Variants in GRIN2B observed in about 807,000 individuals in gnomAD.
GRIN2B encodes the protein glutamate receptor ionotropic, NMDA 2B.
A neutral mutation model predicts 114.5 loss-of-function variants in GRIN2B; 5 were observed. The observed-to-expected ratio is 0.04, with a 90% confidence interval of 0.02 to 0.09. The LOEUF (loss-of-function observed/expected upper bound fraction) is 0.09. Among genes scored for constraint, GRIN2B ranks in the 10% least tolerant of loss-of-function variants. The pLI, the probability that GRIN2B is intolerant of heterozygous loss-of-function variation, is 1.00. For synonymous variants in GRIN2B, 787 were observed against 745.1 expected (o/e 1.06, Z -0.92); for missense variants, 1,108 against 1,943.5 (o/e 0.57, Z 8.08).
At chr12:13,695,828 A>G (rs1950254665) in intron 4 of GRIN2B, among the ~76,000 whole-genome samples, 1 of 150,540 alleles carries the variant, frequency 6.6e-6, no homozygotes, top group Admixed American at 6.6e-5. Flanking sequence ...TAGTGTAGAT[A>G]AGGGAAACAA....
In GRIN2B at chr12:13,594,242, C is replaced by T. The variant is rs556154583; in HGVS notation, c.2010+14361G>A. Reference sequence around the variant, plus strand: ...ATGCACACCTATGTTTATTGTGGCACTGTTCACAATAGCAAAGACTTGGAA... The same window carrying T: ...ATGCACACCTATGTTTATTGTGGCATTGTTCACAATAGCAAAGACTTGGAA... On this transcript the variant is annotated intron_variant, in intron 10 of 13. Transcript: ENST00000609686. Among the ~76,000 whole-genome samples, 6 of 152,288 alleles carry T rather than the reference C, an allele frequency of 3.9e-5. No individual in the cohort carries two copies. The South Asian group carries it at 1.2e-3, about 32-fold the overall frequency.
chr12:13,916,849 C>T (rs1866740254), intron 2 of GRIN2B, among the ~76,000 whole-genome samples: 2 of 151,276 alleles, frequency 1.3e-5, no homozygotes, highest in Non-Finnish European at 2.9e-5. Flanking sequence ...ATATATGGTA[C>T]ATGGTGCACA....
chr12:13,617,513 A>T (rs2136482904), intron 5 of GRIN2B, among the ~76,000 whole-genome samples: 1 of 152,356 alleles, frequency 6.6e-6, no homozygotes, highest in East Asian at 1.9e-4. Flanking sequence ...TATTTTTCAG[A>T]AGAGCCACTC....
chr12:13,927,352 T>C (rs1343749648), intron 2 of GRIN2B, among the ~76,000 whole-genome samples: 1 of 152,148 alleles, frequency 6.6e-6, no homozygotes, highest in East Asian at 1.9e-4. Flanking sequence ...GAAGCCTTAG[T>C]AACAGGCTAG....
chr12:13,868,784 G>C (rs1163142594), intron 2 of GRIN2B, among the ~76,000 whole-genome samples: 1 of 152,172 alleles, frequency 6.6e-6, no homozygotes, highest in African/African-American at 2.4e-5. Flanking sequence ...ATAGCATCTG[G>C]TTTTACAGAG....
At chr12:13,775,923 C>T (rs1255588564) in intron 3 of GRIN2B, among the ~76,000 whole-genome samples, 5 of 152,054 alleles carry the variant, frequency 3.3e-5, no homozygotes, top group African/African-American at 7.2e-5. Context: ...GTTCCATTAC[C>T]GAATATACAC....
chr12:13,800,336 C>G (rs1864486400), intron 3 of GRIN2B, among the ~76,000 whole-genome samples: 1 of 152,134 alleles, frequency 6.6e-6, no homozygotes, highest in Admixed American at 6.5e-5. Context: ...TACAATCTTC[C>G]CTCAGTTGTA....
intron 4 of GRIN2B, among the ~76,000 whole-genome samples, chr12:13,709,488 C>T (rs1033917896): frequency 5.9e-5 from 9 of 151,802 alleles, no homozygotes; most frequent in African/African-American, 2.2e-4. Flanking sequence ...GAAAGAAGAA[C>T]CAAACAGAAA....
chr12:13,643,748 G>T (rs534008533), intron 5 of GRIN2B, among the ~76,000 whole-genome samples: 1 of 151,984 alleles, frequency 6.6e-6, no homozygotes, highest in Non-Finnish European at 1.5e-5. Context: ...ATTCTTTTTC[G>T]TTATTTCGAC....
chr12:13,931,731 CTCAG>C (rs1867035460), intron 2 of GRIN2B, among the ~76,000 whole-genome samples: 1 of 152,232 alleles, frequency 6.6e-6, no homozygotes. Flanking sequence ...TCTTCCGTAT[CTCAG>C]TTAATACCAA....
intron 5 of GRIN2B, among the ~76,000 whole-genome samples, chr12:13,662,927 T>C (rs904546810): frequency 7.9e-5 from 12 of 152,250 alleles, no homozygotes; most frequent in African/African-American, 2.9e-4. Flanking sequence ...CAGCCTTAAA[T>C]ATCTATTAAG....
chr12:13,715,026 G>C (rs1332442701), intron 4 of GRIN2B, among the ~76,000 whole-genome samples: 2 of 151,872 alleles, frequency 1.3e-5, no homozygotes, highest in Non-Finnish European at 2.9e-5. Context: ...GCTTCTCGTA[G>C]TTCTTAGCGC....
chr12:13,586,000 T>C (rs538588215), intron 10 of GRIN2B, among the ~76,000 whole-genome samples: 2 of 152,336 alleles, frequency 1.3e-5, no homozygotes, highest in African/African-American at 4.8e-5. Flanking sequence ...CCAATTATAA[T>C]GCAAACATAA....
intron 5 of GRIN2B, among the ~76,000 whole-genome samples, chr12:13,665,143 GTGTT>G (rs975322781): frequency 9.0e-5 from 9 of 99,702 alleles, no homozygotes; most frequent in African/African-American, 2.2e-4. Flanking sequence ...GGGTGTGTGT[GTGTT>G]TGTGTGTGTG....
At chr12:13,887,212 C>G (rs1866177237) in intron 2 of GRIN2B, among the ~76,000 whole-genome samples, 1 of 152,116 alleles carries the variant, frequency 6.6e-6, no homozygotes, top group Non-Finnish European at 1.5e-5. Flanking sequence ...AACAAAGACA[C>G]AAATTTTTTT....
intron 8 of GRIN2B, among the ~76,000 whole-genome samples, chr12:13,614,710 T>TA (rs1166312460): frequency 6.6e-6 from 1 of 152,216 alleles, no homozygotes; most frequent in Non-Finnish European, 1.5e-5. Flanking sequence ...ATTTCAATGA[T>TA]ATCCAGAATT....
intron 2 of GRIN2B, among the ~76,000 whole-genome samples, chr12:13,894,950 G>T (rs1866330001): frequency 1.3e-5 from 2 of 152,148 alleles, no homozygotes; most frequent in Non-Finnish European, 2.9e-5. Flanking sequence ...ATTTTGGAAA[G>T]AATCATTTCT....
At chr12:13,702,725 T>C (rs1009165473) in intron 4 of GRIN2B, among the ~76,000 whole-genome samples, 1 of 152,176 alleles carries the variant, frequency 6.6e-6, no homozygotes, top group Non-Finnish European at 1.5e-5. Context: ...AAGAGTGGCT[T>C]TCCAGGGCTC....
At chr12:13,707,835 A>G (rs1351679995) in intron 4 of GRIN2B, among the ~76,000 whole-genome samples, 1 of 152,136 alleles carries the variant, frequency 6.6e-6, no homozygotes, top group African/African-American at 2.4e-5. Flanking sequence ...AATGAAAGCA[A>G]CAAATCTCTT....
Sources: gnomAD v4.1 joint callset for allele counts (sites outside exome capture counted in the v4.1 genomes callset) on GRCh38, gnomAD v4.1.1 for gene constraint, MANE v1.5 for transcripts, NCBI Gene and HGNC (gene_info 2026-07-23, HGNC 2026-07-21) for gene names.